SERTM1: variants seen among roughly 807,000 people sequenced by gnomAD.
SERTM1 encodes the protein serine-rich and transmembrane domain-containing protein 1.
SERTM1 carries 1 observed loss-of-function variant against 5.5 expected under a neutral mutation model. The ratio of observed to expected loss-of-function variants is 0.18; its 90% CI spans 0.06 to 0.86. The LOEUF (loss-of-function observed/expected upper bound fraction) is 0.86, where lower values mean the gene tolerates loss of function less well. Ranked by LOEUF, SERTM1 falls within the 40% of genes least tolerant of loss-of-function variation. The probability of loss-of-function intolerance (pLI) is 0.69; values close to 1 mark genes in which losing one functional copy is unlikely to be tolerated. For missense variants in SERTM1, 91 were observed against 122.4 expected (o/e 0.74, Z 1.21); for synonymous variants, 52 against 55.1 (o/e 0.94, Z 0.25).
chr13:36,694,154 A>G (rs1046276834), intron 1 of SERTM1, among the ~76,000 whole-genome samples: 2 of 152,218 alleles, frequency 1.3e-5, no homozygotes, highest in Non-Finnish European at 2.9e-5. Flanking sequence ...TACAAATAAG[A>G]AAAGTGATGC....
chr13:36,680,710 T>C (rs1007320576), intron 1 of SERTM1, among the ~76,000 whole-genome samples: 5 of 152,204 alleles, frequency 3.3e-5, no homozygotes. Flanking sequence ...GTGTGGTTTT[T>C]AGTTTTCAAT....
chr13:36,684,144 A>C (rs1207420979), intron 1 of SERTM1, among the ~76,000 whole-genome samples: 3 of 152,140 alleles, frequency 2.0e-5, no homozygotes, highest in African/African-American at 7.2e-5. Flanking sequence ...CTAAAATACA[A>C]AAATTAGCCG....
chr13:36,679,138 G>T (rs1447940312), intron 1 of SERTM1, among the ~76,000 whole-genome samples: 3 of 152,084 alleles, frequency 2.0e-5, no homozygotes, highest in Admixed American at 6.5e-5. Flanking sequence ...TATAAATGGT[G>T]CCAGGCTCAA....
rs766668288 is a variant in SERTM1 at position 36,697,757 on chromosome 13, A to C, written c.*2355A>C. On this transcript the variant is annotated 3_prime_UTR_variant, in exon 2 of 2. Coordinates refer to ENST00000315190, the MANE Select transcript of SERTM1 (RefSeq NM_203451.3). ...GCTTGCCAAGGTAACAGATTGTACA[A>C]CTTGAGATGAATTCATGTTGTTTAA... 7 of 167,050 alleles carry C rather than the reference A, an allele frequency of 4.2e-5. No individual in the cohort carries two copies. The highest frequency in any genetic ancestry group is 1.0e-4 in the Non-Finnish European group (7 of 68,104). 10.3% of individuals were successfully genotyped at this position (167,050 alleles called of 1,614,324 possible).
rs2056818973 is a variant in SERTM1 at position 36,697,024 on chromosome 13, G to C, written c.*1622G>C. On this transcript the variant is annotated 3_prime_UTR_variant, in exon 2 of 2. Transcript: ENST00000315190. The stretch of plus-strand genomic sequence containing the variant: ...GGAGGTCTGGGAATGAAAATCAGAA[G>C]TCTTCTTCTTCTTTTAATTCATAAG... 1 of 166,866 alleles carries C rather than the reference G, an allele frequency of 6.0e-6. No individual in the cohort carries two copies. Among genetic ancestry groups the C allele is most frequent in the Non-Finnish European group, 1.5e-5 (1 of 68,084 alleles). 10.3% of individuals were successfully genotyped at this position (166,866 alleles called of 1,614,324 possible). A position where few individuals can be genotyped will look rare whatever the true frequency, so the allele number is the denominator to read the frequency against.
At chr13:36,678,951 T>C (rs776762884) in intron 1 of SERTM1, among the ~76,000 whole-genome samples, 14 of 152,114 alleles carry the variant, frequency 9.2e-5, no homozygotes, top group Admixed American at 2.6e-4. Flanking sequence ...AAATAGTTCA[T>C]GCAACAAGCA....
Position 36,696,434 on chromosome 13 carries a change from G to A in SERTM1, c.*1032G>A, listed in dbSNP as rs1215106215. 1 of 166,246 alleles carries A rather than the reference G, an allele frequency of 6.0e-6. No individual in the cohort carries two copies. The highest frequency in any genetic ancestry group is 1.5e-5 in the Non-Finnish European group (1 of 68,118). The allele number at this position is 166,246 out of a possible 1,614,324, so 10.3% of individuals were successfully genotyped here. On this transcript the variant is annotated 3_prime_UTR_variant, in exon 2 of 2. Coordinates refer to ENST00000315190, the MANE Select transcript of SERTM1 (RefSeq NM_203451.3). ...ATATATGTGTTATTATATACTCCAC[G>A]AATGTTGCGTCTCTGATAATTAGTT...
At chr13:36,693,343 G>A (rs1412239961) in intron 1 of SERTM1, among the ~76,000 whole-genome samples, 1 of 151,332 alleles carries the variant, frequency 6.6e-6, no homozygotes, top group African/African-American at 2.4e-5. Flanking sequence ...GCTAGGTATT[G>A]CCAAAACAGT....
intron 1 of SERTM1, 96 bp downstream of exon 1, chr13:36,674,280 T>G (rs1340397937): frequency 1.4e-5 from 2 of 146,774 alleles, no homozygotes; most frequent in Non-Finnish European, 3.0e-5. Flanking sequence ...CCTCGGGTCC[T>G]GGAGGCGAGC....
At chr13:36,683,608 G>A (rs1465189625) in intron 1 of SERTM1, among the ~76,000 whole-genome samples, 1 of 152,138 alleles carries the variant, frequency 6.6e-6, no homozygotes, top group Non-Finnish European at 1.5e-5. Context: ...GTCACTCAAG[G>A]ATGCAGACTG....
At chr13:36,686,125 CT>C (rs1320124213) in intron 1 of SERTM1, among the ~76,000 whole-genome samples, 1 of 152,162 alleles carries the variant, frequency 6.6e-6, no homozygotes, top group African/African-American at 2.4e-5. Flanking sequence ...GTGAATAAGG[CT>C]TACTAGTGAG....
intron 1 of SERTM1, among the ~76,000 whole-genome samples, chr13:36,692,152 G>A (rs147887214): frequency 3.2e-3 from 490 of 152,288 alleles, no homozygotes; most frequent in African/African-American, 0.011. Flanking sequence ...GTCAAATAAG[G>A]ACACAAGGTT....
chr13:36,682,561 A>C (rs1223312738), intron 1 of SERTM1, among the ~76,000 whole-genome samples: 3 of 152,214 alleles, frequency 2.0e-5, no homozygotes, highest in Non-Finnish European at 4.4e-5. Flanking sequence ...ATTTGGGTTC[A>C]AGTTAGGGAG....
At chr13:36,692,714 A>G (rs1384828671) in intron 1 of SERTM1, among the ~76,000 whole-genome samples, 1 of 152,222 alleles carries the variant, frequency 6.6e-6, no homozygotes, top group East Asian at 1.9e-4. Flanking sequence ...GAGAAAAATA[A>G]AAGATCGGGA....
In SERTM1 at chr13:36,695,643, C is replaced by G. The variant is rs1304349343; in HGVS notation, c.*241C>G. ...ATTTCACACAAATGGCTTGATGAAT[C>G]TAGACTGGGCTTCTTCAGGTAAGTC... is the stretch of plus-strand genomic sequence containing the variant. On this transcript the variant is annotated 3_prime_UTR_variant, in exon 2 of 2. Transcript: ENST00000315190. 2 of 555,886 alleles carry G rather than the reference C, an allele frequency of 3.6e-6. No homozygotes were observed. Among genetic ancestry groups the G allele is most frequent in the African/African-American group, 1.9e-5 (1 of 52,540 alleles). 34.4% of individuals were successfully genotyped at this position (555,886 alleles called of 1,614,324 possible). A position where few individuals can be genotyped will look rare whatever the true frequency, so the allele number is the denominator to read the frequency against.
chr13:36,685,647 A>G (rs986305298), intron 1 of SERTM1, among the ~76,000 whole-genome samples: 1 of 152,144 alleles, frequency 6.6e-6, no homozygotes, highest in African/African-American at 2.4e-5. Flanking sequence ...TCTGCCCTGG[A>G]CTGTAAGTGA....
intron 1 of SERTM1, among the ~76,000 whole-genome samples, chr13:36,682,249 T>C (rs1487024331): frequency 2.0e-5 from 3 of 152,236 alleles, no homozygotes; most frequent in Non-Finnish European, 4.4e-5. Context: ...ATCTAACAAA[T>C]GCTGATTGAT....
Position 36,678,679 on chromosome 13 carries a change from T to TTATATATATATATATATATATATATA in SERTM1, c.-174+4511_-174+4512insTATATATATATATATATATATATATA, listed in dbSNP as rs765476413. ...CCTGGAACTTAAAATAAAATAAAAT[T>TTATATATATATATATATATATATATA]TATATATATATATATAAAATATAGT... On this transcript the variant is annotated intron_variant, in intron 1 of 1. Coordinates refer to ENST00000315190, the MANE Select transcript of SERTM1 (RefSeq NM_203451.3). Among the ~76,000 whole-genome samples, 168 of 133,660 alleles carry TTATATATATATATATATATATATATA rather than the reference T, an allele frequency of 1.3e-3. 3 individuals are homozygous for TTATATATATATATATATATATATATA. The highest frequency in any genetic ancestry group is 1.9e-3 in the African/African-American group (68 of 35,512). The allele number at this position is 133,660 out of a possible 152,430, so 87.7% of individuals were successfully genotyped here. A position where few individuals can be genotyped will look rare whatever the true frequency, so the allele number is the denominator to read the frequency against.
At chr13:36,688,008 T>G (rs77044820) in intron 1 of SERTM1, among the ~76,000 whole-genome samples, 1,558 of 151,652 alleles carry the variant, frequency 0.01, 26 homozygotes, top group African/African-American at 0.036. Flanking sequence ...TTTGTGACAA[T>G]CACAAATTTA....
Sources: allele counts gnomAD v4.1 joint callset (sites outside exome capture counted in the v4.1 genomes callset), GRCh38; gene constraint gnomAD v4.1.1; transcripts MANE v1.5; gene names NCBI Gene and HGNC (gene_info 2026-07-23, HGNC 2026-07-21).